The following ADAMTS9 variants were observed in gnomAD, a reference collection of about 807,000 sequenced individuals.
ADAMTS9 encodes ADAM metallopeptidase with thrombospondin type 1 motif 9, also known as A disintegrin and metalloproteinase with thrombospondin motifs 9.
ADAMTS9 carries 107 observed loss-of-function variants against 257.1 expected under a neutral mutation model. The observed-to-expected ratio is 0.42, with a 90% CI of 0.36 to 0.49. The LOEUF is 0.49. Ranked by LOEUF, ADAMTS9 falls within the 20% of genes least tolerant of loss-of-function variation. ADAMTS9 has a pLI of 0.03. For synonymous variants in ADAMTS9, 982 were observed against 880.9 expected (o/e 1.11, Z -2.03); for missense variants, 2,353 against 2,469.1 (o/e 0.95, Z 1.00).
intron 26 of ADAMTS9, among the ~76,000 whole-genome samples, chr3:64,600,376 C>T (rs1162449021): frequency 6.6e-6 from 1 of 152,064 alleles, no homozygotes; most frequent in Non-Finnish European, 1.5e-5. Flanking sequence ...AATATCCAAA[C>T]AAAAAACAGG....
intron 11 of ADAMTS9, among the ~76,000 whole-genome samples, chr3:64,642,253 G>A (rs1316558539): frequency 6.6e-6 from 1 of 152,094 alleles, no homozygotes; most frequent in Admixed American, 6.5e-5. Context: ...TAACTCCAAT[G>A]GCAAGCTTCA....
rs143342753 is a variant in ADAMTS9, at chr3:64,556,624, T to C, written c.4698+4954A>G. On this transcript the variant is annotated intron_variant, in intron 30 of 39. Coordinates refer to ENST00000498707, the MANE Select transcript of ADAMTS9 (RefSeq NM_182920.2). ...GCGTGAGCCACTGTGTCCAGCCTGC[T>C]TGACTGTTCTAAAAGTCATTTTAGA... Among the ~76,000 whole-genome samples the C allele has an allele frequency of 1.0e-3, 155 of 152,334 alleles. 1 individual carries two copies. The highest frequency in any genetic ancestry group is 3.6e-3 in the African/African-American group (149 of 41,582).
chr3:64,641,264 C>CT (rs529535981), intron 12 of ADAMTS9, among the ~76,000 whole-genome samples: 17 of 144,198 alleles, frequency 1.2e-4, no homozygotes, highest in South Asian at 2.2e-4. Context: ...TTTTTGCCTG[C>CT]TTTTTTTTTG....
At chr3:64,527,801 T>A (rs1467082691) in intron 38 of ADAMTS9, among the ~76,000 whole-genome samples, 2 of 152,140 alleles carry the variant, frequency 1.3e-5, no homozygotes, top group African/African-American at 4.8e-5. Context: ...GTCTGTGGTA[T>A]GATTTTTACA....
chr3:64,573,063 G>A (rs1255960932), intron 28 of ADAMTS9, among the ~76,000 whole-genome samples: 1 of 140,146 alleles, frequency 7.1e-6, no homozygotes, highest in East Asian at 2.3e-4. Context: ...GCGACGGAGT[G>A]AGTGAGACTC....
chr3:64,625,701 G>A (rs1332904262), intron 16 of ADAMTS9, among the ~76,000 whole-genome samples: 1 of 152,184 alleles, frequency 6.6e-6, no homozygotes, highest in Non-Finnish European at 1.5e-5. Context: ...AAATGACTGA[G>A]AAGAATGTGG....
intron 11 of ADAMTS9, among the ~76,000 whole-genome samples, chr3:64,645,692 C>G (rs1479254697): frequency 6.6e-6 from 1 of 152,130 alleles, no homozygotes; most frequent in Non-Finnish European, 1.5e-5. Context: ...TAGACATGGC[C>G]ACTTTTCTAA....
chr3:64,523,800 G>A (rs541505706), intron 38 of ADAMTS9, among the ~76,000 whole-genome samples: 1 of 152,260 alleles, frequency 6.6e-6, no homozygotes, highest in African/African-American at 2.4e-5. Context: ...CTACTACACA[G>A]CAATTTGATG....
intron 26 of ADAMTS9, among the ~76,000 whole-genome samples, chr3:64,600,071 T>G (rs1277516333): frequency 1.5e-5 from 2 of 130,282 alleles, no homozygotes; most frequent in East Asian, 2.2e-4. Flanking sequence ...TTTTTTTTTT[T>G]GCAAAACTCC....
chr3:64,602,692 A>T (rs1457191287), intron 25 of ADAMTS9, among the ~76,000 whole-genome samples: 1 of 152,172 alleles, frequency 6.6e-6, no homozygotes, highest in African/African-American at 2.4e-5. Flanking sequence ...CATGTGTGTC[A>T]TTCCCTCACT....
At chr3:64,521,764 AAATAATGG>A (rs2082855411) in intron 39 of ADAMTS9, 1 of 155,478 alleles carries the variant, frequency 6.4e-6, no homozygotes. Flanking sequence ...ATAAAGACTG[AAATAATGG>A]ACACTGGTAA....
rs779105690 is a variant in ADAMTS9, at chr3:64,686,857, A to C, written c.227T>G (p.Ile76Ser). 25 of 1,613,982 alleles carry C rather than the reference A, an allele frequency of 1.5e-5. No individual in the cohort carries two copies. The highest frequency in any genetic ancestry group is 2.0e-5 in the Non-Finnish European group (24 of 1,180,020). Residue 76 changes from isoleucine (I) to serine (S), a missense_variant, in exon 2 of 40, where the codon ATT becomes AGT. Transcript: ENST00000498707. The surrounding 1 kb of genome is among the most constrained non-coding windows in gnomAD (Gnocchi z 4.6). ...AGGCCAGGGGTCAGTGGCAGAGTTA[A>C]TGCTCCGTCGCGTTCTTTTGAAGTG... is the stretch of plus-strand genomic sequence containing the variant. ...NVHFKRTRRS[I>S]NSATDPWPAF...
chr3:64,594,517 A>G (rs2084325688), intron 27 of ADAMTS9, 83 bp from the exon 28 acceptor site: 2 of 1,537,364 alleles, frequency 1.3e-6, no homozygotes, highest in Admixed American at 3.6e-5. Flanking sequence ...TTCTTAGCCA[A>G]ACTCAATTAT....
At chr3:64,531,165 T>A (rs1030167634) in intron 38 of ADAMTS9, among the ~76,000 whole-genome samples, 10 of 152,194 alleles carry the variant, frequency 6.6e-5, no homozygotes, top group Admixed American at 3.3e-4. Context: ...GATAGCTTTT[T>A]TTCACAGACA....
At chr3:64,574,756 C>T (rs188404876) in intron 28 of ADAMTS9, among the ~76,000 whole-genome samples, 140 of 151,802 alleles carry the variant, frequency 9.2e-4, no homozygotes, top group Non-Finnish European at 1.4e-3. Context: ...ACACACACAC[C>T]CCAACCACTT....
chr3:64,628,893 C>A lies in ADAMTS9; in HGVS notation c.2389+2562G>T, dbSNP rs187708225. 7.1e-4 allele frequency among the ~76,000 whole-genome samples: 108 copies of A among 152,248 alleles called. No homozygotes were observed. In the South Asian group the frequency reaches 8.3e-3, roughly 12 times the overall value. ...AGTAGCTGAAGATGTAAAGACCCTGCCCTAACTTTAAAACACTAGTGGTCG... is the reference window on the plus strand; with the variant it reads ...AGTAGCTGAAGATGTAAAGACCCTGACCTAACTTTAAAACACTAGTGGTCG... On this transcript the variant is annotated intron_variant, in intron 16 of 39. Coordinates refer to ENST00000498707, the MANE Select transcript of ADAMTS9 (RefSeq NM_182920.2).
rs531914096 is a variant in ADAMTS9 at position 64,653,857 on chromosome 3, C to T, written c.1316+496G>A. On this transcript the variant is annotated intron_variant, in intron 8 of 39. Transcript: ENST00000498707. The stretch of plus-strand genomic sequence containing the variant: ...CTTTCTATCTTTGTTCATTCTCTTT[C>T]CTGAAAAAAGGGATACTACTGTTCC... 5.9e-5 allele frequency among the ~76,000 whole-genome samples: 9 copies of T among 152,118 alleles called. No homozygotes were observed. The South Asian group carries it at 1.0e-3, about 18-fold the overall frequency.
At chr3:64,626,833 T>C (rs1289986130) in intron 16 of ADAMTS9, among the ~76,000 whole-genome samples, 1 of 152,190 alleles carries the variant, frequency 6.6e-6, no homozygotes, top group African/African-American at 2.4e-5. Flanking sequence ...TCCAGCCAAA[T>C]GACTCTTTCT....
chr3:64,654,306 G>T (rs749523956), intron 8 of ADAMTS9, 47 bp downstream of exon 8: 21 of 1,555,914 alleles, frequency 1.3e-5, no homozygotes, highest in Non-Finnish European at 1.8e-5. Flanking sequence ...AGGAATAAAA[G>T]GTTTAGGTCA....
Sources: gnomAD v4.1 joint callset for allele counts (sites outside exome capture counted in the v4.1 genomes callset) on GRCh38, gnomAD v4.1.1 for gene constraint, Gnocchi (gnomAD v3.1) non-coding constraint, MANE v1.5 for transcripts, NCBI Gene and HGNC (gene_info 2026-07-23, HGNC 2026-07-21) for gene names.